The following MIB1 variants were observed in gnomAD, a reference collection of about 807,000 sequenced individuals.
MIB1 encodes E3 ubiquitin-protein ligase MIB1.
Under a neutral mutation model 124.5 loss-of-function variants are expected in MIB1, and 278 were observed. That is an observed-to-expected ratio of 2.23 (90% confidence interval 2.02 to 2.47). The LOEUF is 2.47. MIB1 is among the 30% of genes most tolerant of loss of function. MIB1 has a pLI of 0.00. For missense variants in MIB1, 957 were observed against 1,254.4 expected (o/e 0.76, Z 3.58); for synonymous variants, 446 against 429.4 (o/e 1.04, Z -0.48).
intron 16 of MIB1, among the ~76,000 whole-genome samples, chr18:21,847,371 A>G (rs2042144227): frequency 6.6e-6 from 1 of 152,176 alleles, no homozygotes; most frequent in Non-Finnish European, 1.5e-5. Flanking sequence ...GTTCTGAGAA[A>G]CTTTTCTAAA....
intron 1 of MIB1, among the ~76,000 whole-genome samples, chr18:21,745,520 C>T (rs1358597513): frequency 2.0e-5 from 3 of 151,964 alleles, no homozygotes; most frequent in Non-Finnish European, 4.4e-5. Flanking sequence ...AAGTATGCCA[C>T]GTAAAGGTAA....
rs1210225689 is a variant in MIB1, at chr18:21,851,475, C to A, written c.2587-1665C>A. ...AAAAACTACGGATATACCCACCCAA[C>A]AGATTTGCCAGGTTGGTTGTAGAGC... is the stretch of plus-strand genomic sequence containing the variant. On this transcript the variant is annotated intron_variant, in intron 17 of 20. Coordinates refer to ENST00000261537, the MANE Select transcript of MIB1 (RefSeq NM_020774.4). 2.0e-5 allele frequency among the ~76,000 whole-genome samples: 3 copies of A among 152,066 alleles called. No homozygotes were observed. The South Asian group carries it at 6.2e-4, about 32-fold the overall frequency.
intron 3 of MIB1, among the ~76,000 whole-genome samples, chr18:21,772,986 C>A (rs2041239508): frequency 6.6e-6 from 1 of 152,096 alleles, no homozygotes; most frequent in Non-Finnish European, 1.5e-5. Flanking sequence ...ACTGTTCTTG[C>A]CGGGCGTAGT....
intron 1 of MIB1, among the ~76,000 whole-genome samples, chr18:21,743,628 C>G (rs1235929030): frequency 6.6e-6 from 1 of 151,954 alleles, no homozygotes; most frequent in African/African-American, 2.4e-5. Context: ...TAATTTCTGC[C>G]TACTCTTTTT....
At chr18:21,768,839 T>C in intron 3 of MIB1, 87 bp downstream of exon 3, 1 of 1,078,784 alleles carries the variant, frequency 9.3e-7, no homozygotes, top group Non-Finnish European at 1.2e-6. Flanking sequence ...AATTTCTTGG[T>C]CCATTGTTTT....
At chr18:21,761,912 T>C (rs1568190739) in intron 1 of MIB1, among the ~76,000 whole-genome samples, 1 of 147,156 alleles carries the variant, frequency 6.8e-6, no homozygotes, top group African/African-American at 2.5e-5. Flanking sequence ...AGAGCACACA[T>C]AGAAAATGTG....
intron 19 of MIB1, 26 bp downstream of exon 19, chr18:21,857,269 C>A: frequency 1.3e-6 from 2 of 1,559,426 alleles, no homozygotes; most frequent in South Asian, 1.1e-5. Context: ...TAAGCATTTT[C>A]ATATTTTGCT....
chr18:21,774,119 T>C (rs2041253733), intron 4 of MIB1, among the ~76,000 whole-genome samples: 2 of 152,252 alleles, frequency 1.3e-5, no homozygotes, highest in Admixed American at 6.5e-5. Context: ...ACAACAAATA[T>C]TAAAATTATT....
At chr18:21,710,160 G>T (rs1177488805) in intron 1 of MIB1, among the ~76,000 whole-genome samples, 2 of 148,820 alleles carry the variant, frequency 1.3e-5, no homozygotes, top group African/African-American at 2.5e-5. Flanking sequence ...TCTCTCTGTC[G>T]CCCAGGCTGG....
chr18:21,715,184 C>T (rs2040684012), intron 1 of MIB1, among the ~76,000 whole-genome samples: 2 of 152,202 alleles, frequency 1.3e-5, no homozygotes, highest in South Asian at 4.1e-4. Flanking sequence ...GCTCATATCA[C>T]AGGACTCTGT....
intron 1 of MIB1, among the ~76,000 whole-genome samples, chr18:21,730,524 C>T (rs976018480): frequency 2.0e-5 from 3 of 152,176 alleles, no homozygotes; most frequent in Non-Finnish European, 4.4e-5. Flanking sequence ...GCCGAGATCA[C>T]GCCACTGCAC....
intron 1 of MIB1, among the ~76,000 whole-genome samples, chr18:21,733,605 C>T (rs1237113923): frequency 6.6e-6 from 1 of 152,198 alleles, no homozygotes; most frequent in African/African-American, 2.4e-5. Flanking sequence ...AGTTGGTCCT[C>T]TTCAATTAGG....
At chr18:21,780,471 G>A (rs78252878) in intron 6 of MIB1, among the ~76,000 whole-genome samples, 1 of 152,078 alleles carries the variant, frequency 6.6e-6, no homozygotes, top group Non-Finnish European at 1.5e-5. Flanking sequence ...CCTCATATGA[G>A]TGAGAACATG....
intron 2 of MIB1, among the ~76,000 whole-genome samples, chr18:21,768,285 CTTT>C (rs1360246188): frequency 3.9e-5 from 6 of 152,194 alleles, no homozygotes; most frequent in Non-Finnish European, 8.8e-5. Flanking sequence ...CACATTACTT[CTTT>C]GAGACTCAGT....
At chr18:21,862,126 G>A (rs1426438734) in intron 20 of MIB1, among the ~76,000 whole-genome samples, 4 of 152,086 alleles carry the variant, frequency 2.6e-5, no homozygotes, top group Non-Finnish European at 5.9e-5. Context: ...TGAATTCGTG[G>A]GCTCAAGTGA....
At chr18:21,734,478 TTCTC>T (rs60128500) in intron 1 of MIB1, among the ~76,000 whole-genome samples, 104,729 of 149,086 alleles carry the variant, frequency 0.7, 37,057 homozygotes, top group East Asian at 0.89. Context: ...CTCTCTCTCT[TTCTC>T]TCTCTCTCTC....
Position 21,867,174 on chromosome 18 carries a change from A to G in MIB1, c.*2508A>G, listed in dbSNP as rs2042327147. ...TTAGGGATTAGATACACAACAGTGG[A>G]AAAATGGCATCTTAGCACACTCAGA... On this transcript the variant is annotated 3_prime_UTR_variant, in exon 21 of 21. Transcript: ENST00000261537. The G allele has an allele frequency of 6.6e-6, 1 of 152,338 alleles. No individual in the cohort carries two copies. Among genetic ancestry groups the G allele is most frequent in the African/African-American group, 2.4e-5 (1 of 41,470 alleles). The allele number at this position is 152,338 out of a possible 1,614,324, so 9.4% of individuals were successfully genotyped here.
At chr18:21,806,295 G>C (rs1311028913) in intron 10 of MIB1, among the ~76,000 whole-genome samples, 1 of 151,442 alleles carries the variant, frequency 6.6e-6, no homozygotes, top group African/African-American at 2.4e-5. Flanking sequence ...TGAATTCCCA[G>C]GCTCAAACAA....
At chr18:21,851,695 A>G (rs1380300628) in intron 17 of MIB1, among the ~76,000 whole-genome samples, 1 of 152,230 alleles carries the variant, frequency 6.6e-6, no homozygotes, top group East Asian at 1.9e-4. Flanking sequence ...TACATTTTAA[A>G]AAGTGCTAGC....
Sources: gnomAD v4.1 joint callset for allele counts (sites outside exome capture counted in the v4.1 genomes callset) on GRCh38, gnomAD v4.1.1 for gene constraint, MANE v1.5 for transcripts, NCBI Gene and HGNC (gene_info 2026-07-23, HGNC 2026-07-21) for gene names.